Variants in CDHR2 observed in about 807,000 individuals in gnomAD.
CDHR2 encodes cadherin related family member 2, also known as cadherin-related family member 2.
In CDHR2, 104 loss-of-function variants were observed where a neutral mutation model predicts 138.6. The observed-to-expected ratio is 0.75, with a 90% CI of 0.64 to 0.88. The LOEUF (loss-of-function observed/expected upper bound fraction) is 0.88. CDHR2 is among the 40% of genes least tolerant of loss of function. The pLI is 0.00. For missense variants in CDHR2, 1,624 were observed against 1,727.6 expected (o/e 0.94, Z 1.06); for synonymous variants, 755 against 742.8 (o/e 1.02, Z -0.27).
intron 1 of CDHR2, among the ~76,000 whole-genome samples, chr5:176,554,536 C>T (rs1014956280): frequency 1.3e-5 from 2 of 152,222 alleles, no homozygotes; most frequent in African/African-American, 2.4e-5. Context: ...AACTGCCCAG[C>T]GAAGCTCTGC....
At position 176,589,431 on chromosome 5, in the gene CDHR2, C is replaced by A. The variant is rs980095438; in HGVS notation, c.3110C>A (p.Thr1037Asn). The A allele has an allele frequency of 6.2e-7, 1 of 1,602,224 alleles. No homozygotes were observed. The highest frequency in any genetic ancestry group is 1.7e-5 in the Admixed American group (1 of 59,476). ...GGTCCTTTCCTGGAAGCCACCACCACCCTGAATGTGAGTGCTGGTCCCACC... is the reference window on the plus strand; with the variant it reads ...GGTCCTTTCCTGGAAGCCACCACCAACCTGAATGTGAGTGCTGGTCCCACC... ...SLGPFLEATT[T>N]LNLFTVDQSY... The change falls in exon 23 of 32, where the codon ACC becomes AAC. Residue 1037 changes from threonine to asparagine, a missense_variant. Transcript: ENST00000261944.
chr5:176,591,267 A>C lies in CDHR2; in HGVS notation c.3597A>C (p.Ala1199=), dbSNP rs772544560. Residue 1199 remains alanine (A), a synonymous_variant, in exon 29 of 32, where the codon GCA becomes GCC. Coordinates refer to ENST00000261944, the MANE Select transcript of CDHR2 (RefSeq NM_017675.6). ...KAAKEARKTA[A]GVMPSAPAIP... is the part of the protein sequence containing the mutation. ...CCAAGGAGGCCAGGAAGACAGCAGC[A>C]GGGGTGATGCCCTCAGCCCCTGCCA... is the stretch of plus-strand genomic sequence containing the variant. 1 of 1,614,092 alleles carries C rather than the reference A, an allele frequency of 6.2e-7. No homozygotes were observed. The highest frequency in any genetic ancestry group is 8.5e-7 in the Non-Finnish European group (1 of 1,180,028).
intron 1 of CDHR2, among the ~76,000 whole-genome samples, chr5:176,556,991 C>T (rs570952113): frequency 1.6e-3 from 155 of 99,872 alleles, no homozygotes; most frequent in Non-Finnish European, 2.4e-3. Context: ...CTCTTCCTTC[C>T]TTCCTTCTTT....
At chr5:176,546,635 T>C (rs1041174743), upstream of CDHR2, among the ~76,000 whole-genome samples, 3 of 150,410 alleles carry the variant, frequency 2.0e-5, no homozygotes, top group African/African-American at 7.4e-5. Context: ...AAATTAAAAA[T>C]TGTGGCTGGG....
At chr5:176,560,040 G>A (rs1283915818) in intron 1 of CDHR2, among the ~76,000 whole-genome samples, 2 of 152,200 alleles carry the variant, frequency 1.3e-5, no homozygotes, top group African/African-American at 2.4e-5. Flanking sequence ...CCAGCCCTAG[G>A]AGGGAAGTCT....
chr5:176,565,611 G>A (rs1266124719), intron 2 of CDHR2, 61 bp from the exon 3 acceptor site: 3 of 1,472,094 alleles, frequency 2.0e-6, no homozygotes, highest in Non-Finnish European at 2.8e-6. Flanking sequence ...TCCCAGGGGA[G>A]CAGGTAGGGA....
At chr5:176,548,515 G>A (rs1243000146), upstream of CDHR2, among the ~76,000 whole-genome samples, 4 of 152,178 alleles carry the variant, frequency 2.6e-5, no homozygotes, top group Admixed American at 6.6e-5. Flanking sequence ...CGAGGCAGGC[G>A]GATCGCCTGA....
rs938324304 is a variant in CDHR2, at chr5:176,571,375, G to C, written c.405+73G>C. 96 of 1,094,770 alleles carry C rather than the reference G, an allele frequency of 8.8e-5. 1 individual carries two copies. The highest frequency in any genetic ancestry group is 1.1e-4 in the Non-Finnish European group (87 of 761,650). The allele number at this position is 1,094,770 out of a possible 1,614,324, so 67.8% of individuals were successfully genotyped here. On this transcript the variant is annotated intron_variant, in intron 6 of 31. Transcript: ENST00000261944. Reference sequence around the variant, plus strand: ...GCTTCTCAGAGTAGGAAGAGCCAGAGACAGTCAGTGGGGCATTCAGAGTTG... The same window carrying C: ...GCTTCTCAGAGTAGGAAGAGCCAGACACAGTCAGTGGGGCATTCAGAGTTG...
intron 28 of CDHR2, 118 bp downstream of exon 28, chr5:176,590,805 C>T (rs1758826176): frequency 1.5e-6 from 2 of 1,326,176 alleles, no homozygotes; most frequent in South Asian, 1.3e-5. Flanking sequence ...CATTCACTCC[C>T]CAGTGACCCA....
At chr5:176,578,144 C>A in intron 15 of CDHR2, 49 bp downstream of exon 15, 2 of 1,533,294 alleles carry the variant, frequency 1.3e-6, no homozygotes, top group Non-Finnish European at 1.8e-6. Flanking sequence ...AGGGCCCAGG[C>A]CCACCTCTCT....
At chr5:176,581,655 C>G (rs796707720) in intron 17 of CDHR2, 73 bp downstream of exon 17, 3 of 1,564,922 alleles carry the variant, frequency 1.9e-6, no homozygotes, top group Non-Finnish European at 2.6e-6. Context: ...GCTTGAGTCA[C>G]ACTTCTGCCC....
chr5:176,587,962 A>T (rs767549526), intron 21 of CDHR2, among the ~76,000 whole-genome samples: 1 of 152,194 alleles, frequency 6.6e-6, no homozygotes, highest in African/African-American at 2.4e-5. Flanking sequence ...CTTTAAATAG[A>T]TTCCTTTTTA....
chr5:176,576,222 G>T lies in CDHR2; in HGVS notation c.1194+37G>T, dbSNP rs749160526. On this transcript the variant is annotated intron_variant, in intron 12 of 31. Coordinates refer to ENST00000261944, the MANE Select transcript of CDHR2 (RefSeq NM_017675.6). This position sits in a 1 kb window ranked among gnomAD's most constrained non-coding sequence, Gnocchi z 4.5. ...GGCGTGGGTGTGGGCGGGGGTGGCT[G>T]GGGGAGGCCAGTGGGAGCCTGGATC... The T allele has an allele frequency of 4.7e-6, 7 of 1,503,548 alleles. No individual in the cohort carries two copies. The highest frequency in any genetic ancestry group is 1.2e-5 in the South Asian group (1 of 86,778). The allele number at this position is 1,503,548 out of a possible 1,614,324, so 93.1% of individuals were successfully genotyped here.
In CDHR2 at chr5:176,576,039, A is replaced by T; in HGVS notation, c.1048A>T (p.Lys350Ter). Residue 350 changes from lysine (K) to a stop codon, truncating the protein, a stop_gained, in exon 12 of 32, where the codon AAA (lysine) becomes TAA (stop). Coordinates refer to ENST00000261944, the MANE Select transcript of CDHR2 (RefSeq NM_017675.6). LOFTEE classifies it high-confidence loss of function. The surrounding 1 kb of genome is among the most constrained non-coding windows in gnomAD (Gnocchi z 4.5). ...GAGAGTGATGGACGTCAATGACCAC[A>T]AACCTGAGTTTTACAACTGCAGCCT... ...TVRVMDVNDH[K>*]PEFYNCSLPA... 1 of 1,613,830 alleles carries T rather than the reference A, an allele frequency of 6.2e-7. No homozygotes were observed. Among genetic ancestry groups the T allele is most frequent in the Non-Finnish European group, 8.5e-7 (1 of 1,180,000 alleles).
intron 24 of CDHR2, 62 bp downstream of exon 24, chr5:176,589,678 G>A (rs1051073466): frequency 2.1e-5 from 29 of 1,404,102 alleles, no homozygotes; most frequent in African/African-American, 1.6e-4. Flanking sequence ...CCTGGTCCCC[G>A]ACAAAACCTG....
chr5:176,555,948 TTTTC>T (rs1757811975), intron 1 of CDHR2, among the ~76,000 whole-genome samples: 3 of 152,146 alleles, frequency 2.0e-5, no homozygotes, highest in Non-Finnish European at 4.4e-5. Context: ...TGTTTTTTGT[TTTTC>T]TTAGAATAAA....
chr5:176,543,264 G>A lies in CDHR2; in HGVS notation c.-16+495G>A, dbSNP rs1757499605. On this transcript the variant is annotated intron_variant, in intron 1 of 31. Coordinates refer to the CDHR2 transcript ENST00000510636. This position sits in a 1 kb window ranked among gnomAD's most constrained non-coding sequence, Gnocchi z 4.0. ...CAGGGTCCGGGCCCGGCGTTACCTG[G>A]GGCCGCGGCGGGGCTCCACCCCCAC... Among the ~76,000 whole-genome samples, 1 of 146,876 alleles carries A rather than the reference G, an allele frequency of 6.8e-6. No individual in the cohort carries two copies. The highest frequency in any genetic ancestry group is 2.4e-5 in the African/African-American group (1 of 40,880).
At chr5:176,592,081 GTGGTGGTGGTGGTGATGGTGGTGGTGA>G (rs1758874940) in intron 30 of CDHR2, among the ~76,000 whole-genome samples, 1 of 119,718 alleles carries the variant, frequency 8.4e-6, no homozygotes, top group East Asian at 2.1e-4. Context: ...GGCAGTTATC[GTGGTGGTGGTGGTGATGGTGGTGGTGA>G]TGGTGATGGT....
intron 16 of CDHR2, among the ~76,000 whole-genome samples, chr5:176,580,761 C>T (rs995372653): frequency 2.0e-5 from 3 of 151,958 alleles, no homozygotes; most frequent in African/African-American, 7.3e-5. Context: ...CCTGTAATCC[C>T]AGCTACTTAG....
Sources: allele counts gnomAD v4.1 joint callset (sites outside exome capture counted in the v4.1 genomes callset), GRCh38; gene constraint gnomAD v4.1.1; non-coding constraint Gnocchi (gnomAD v3.1); transcripts MANE v1.5; gene names NCBI Gene and HGNC (gene_info 2026-07-23, HGNC 2026-07-21).